Variants in MEIS2 observed in about 807,000 individuals in gnomAD.
The protein encoded by MEIS2 is Meis homeobox 2, also known as homeobox protein Meis2.
A neutral mutation model predicts 58.6 loss-of-function variants in MEIS2; 9 were observed. The observed-to-expected ratio is 0.15, with a 90% CI of 0.09 to 0.27. MEIS2 has a LOEUF of 0.27. Ranked by LOEUF, MEIS2 falls within the 10% of genes least tolerant of loss-of-function variation. MEIS2 has a pLI of 1.00. For missense variants in MEIS2, 427 were observed against 635.0 expected (o/e 0.67, Z 3.52); for synonymous variants, 221 against 228.4 (o/e 0.97, Z 0.29).
chr15:36,938,178 C>T (rs1288555291), intron 9 of MEIS2, among the ~76,000 whole-genome samples: 2 of 152,102 alleles, frequency 1.3e-5, no homozygotes, highest in Non-Finnish European at 2.9e-5. Flanking sequence ...CTCCAAGCAC[C>T]CGCTGTCACC....
At chr15:36,905,415 C>A (rs1227810219) in intron 9 of MEIS2, among the ~76,000 whole-genome samples, 1 of 152,098 alleles carries the variant, frequency 6.6e-6, no homozygotes, top group African/African-American at 2.4e-5. Flanking sequence ...ACCCTCATTT[C>A]TTGCTTTAAC....
At chr15:37,079,079 T>C (rs1891846428) in intron 7 of MEIS2, among the ~76,000 whole-genome samples, 1 of 152,138 alleles carries the variant, frequency 6.6e-6, no homozygotes, top group African/African-American at 2.4e-5. Flanking sequence ...AGAAAATCTT[T>C]GGATGTTTGC....
intron 7 of MEIS2, among the ~76,000 whole-genome samples, chr15:37,071,275 A>T (rs1159164933): frequency 1.3e-5 from 2 of 152,168 alleles, no homozygotes; most frequent in African/African-American, 2.4e-5. Flanking sequence ...TAAGTAAGTC[A>T]TGTAACCAAT....
Position 37,007,541 on chromosome 15 carries a change from A to G in MEIS2, c.900+29273T>C, listed in dbSNP as rs543814722. The stretch of plus-strand genomic sequence containing the variant: ...AGAGACACCCTGGGTCTCTGGGGAC[A>G]TGACTGAACCACTGACTCTTGGAGT... On this transcript the variant is annotated intron_variant, in intron 8 of 11. Transcript: ENST00000561208. Among the ~76,000 whole-genome samples, 4 of 152,318 alleles carry G rather than the reference A, an allele frequency of 2.6e-5. No homozygotes were observed. The East Asian group carries it at 7.7e-4, about 29-fold the overall frequency.
In MEIS2 at chr15:37,099,638, C is replaced by A. The variant is rs992642762; in HGVS notation, c.-172G>T. 1.2e-4 allele frequency: 105 copies of A among 855,818 alleles called. No individual in the cohort carries two copies. Among genetic ancestry groups the A allele is most frequent in the Non-Finnish European group, 1.7e-4 (102 of 593,152 alleles). The allele number at this position is 855,818 out of a possible 1,614,324, so 53.0% of individuals were successfully genotyped here. A position where few individuals can be genotyped will look rare whatever the true frequency, so the allele number is the denominator to read the frequency against. On this transcript the variant is annotated 5_prime_UTR_variant, in exon 1 of 12. Coordinates refer to ENST00000561208, the MANE Select transcript of MEIS2 (RefSeq NM_170675.5). ...GGGAAAAAAAGCCCAGTCTAGACAA[C>A]GAAGAATTTTTTTTTCTGTGATATT...
At chr15:36,895,616 T>A (rs978538248) in intron 10 of MEIS2, among the ~76,000 whole-genome samples, 4 of 152,240 alleles carry the variant, frequency 2.6e-5, no homozygotes, top group Non-Finnish European at 4.4e-5. Flanking sequence ...GGCTGCCATC[T>A]CTGGTGGCTT....
chr15:37,044,824 T>C (rs2062593444), intron 7 of MEIS2, among the ~76,000 whole-genome samples: 1 of 152,208 alleles, frequency 6.6e-6, no homozygotes, highest in Non-Finnish European at 1.5e-5. Context: ...TGCTAGTTTG[T>C]CTGTCTGTGA....
chr15:37,100,706 TGA>T (rs1257792235), upstream of MEIS2, among the ~76,000 whole-genome samples: 6 of 149,492 alleles, frequency 4.0e-5, no homozygotes, highest in African/African-American at 1.5e-4. Flanking sequence ...TCTGTGTGTG[TGA>T]GTGTGTGTGT....
At chr15:36,919,235 A>C (rs921927647) in intron 9 of MEIS2, among the ~76,000 whole-genome samples, 14 of 152,198 alleles carry the variant, frequency 9.2e-5, no homozygotes, top group Non-Finnish European at 1.9e-4. Context: ...ATTTGGATAA[A>C]TTTTTGGACA....
chr15:37,040,689 T>C (rs890175733), intron 7 of MEIS2, among the ~76,000 whole-genome samples: 1 of 152,200 alleles, frequency 6.6e-6, no homozygotes, highest in Non-Finnish European at 1.5e-5. Context: ...AAGTTTTGGG[T>C]AAACATACTC....
intron 7 of MEIS2, among the ~76,000 whole-genome samples, chr15:37,083,483 T>A (rs1323667505): frequency 6.6e-6 from 1 of 152,210 alleles, no homozygotes; most frequent in Admixed American, 6.5e-5. Context: ...GTGATTCCAC[T>A]TATACACACA....
intron 8 of MEIS2, among the ~76,000 whole-genome samples, chr15:37,027,048 T>G (rs983084822): frequency 1.3e-5 from 2 of 152,234 alleles, no homozygotes; most frequent in African/African-American, 4.8e-5. Flanking sequence ...TTCTGCATAC[T>G]GTAAACAACT....
intron 8 of MEIS2, chr15:36,972,979 G>C (rs1433094518): frequency 2.0e-5 from 3 of 152,122 alleles, no homozygotes; most frequent in Non-Finnish European, 4.4e-5. Context: ...GTATGTACTA[G>C]AATTAGTCTG....
chr15:36,898,909 C>T (rs2056325521), intron 9 of MEIS2: 2 of 152,384 alleles, frequency 1.3e-5, no homozygotes, highest in South Asian at 4.1e-4. Flanking sequence ...GGAAATGCCA[C>T]TCCAGTATAA....
intron 11 of MEIS2, chr15:36,894,571 TG>T: frequency 1.7e-6 from 1 of 580,456 alleles, no homozygotes. Context: ...ACTTCAGAGA[TG>T]GGTGATATAT....
intron 8 of MEIS2, among the ~76,000 whole-genome samples, chr15:37,006,316 T>A (rs369009301): frequency 1.9e-3 from 282 of 152,306 alleles, no homozygotes; most frequent in African/African-American, 6.4e-3. Context: ...CCTGGCAGTA[T>A]CTCTTTCCCT....
chr15:36,985,438 T>G (rs2060063888), intron 8 of MEIS2, among the ~76,000 whole-genome samples: 1 of 152,230 alleles, frequency 6.6e-6, no homozygotes, highest in African/African-American at 2.4e-5. Flanking sequence ...ATTTCATATT[T>G]TTGCCTTCTG....
At chr15:36,895,561 C>T (rs1014588737) in intron 10 of MEIS2, among the ~76,000 whole-genome samples, 6 of 152,104 alleles carry the variant, frequency 3.9e-5, no homozygotes, top group Admixed American at 3.3e-4. Context: ...TAGGGGTACC[C>T]CATATACAAA....
intron 7 of MEIS2, among the ~76,000 whole-genome samples, chr15:37,038,128 A>G (rs2062240747): frequency 6.6e-6 from 1 of 152,248 alleles, no homozygotes; most frequent in South Asian, 2.1e-4. Flanking sequence ...TAATTTAAGA[A>G]TAGACATTCA....
Sources: allele counts gnomAD v4.1 joint callset (sites outside exome capture counted in the v4.1 genomes callset), GRCh38; gene constraint gnomAD v4.1.1; transcripts MANE v1.5; gene names NCBI Gene and HGNC (gene_info 2026-07-23, HGNC 2026-07-21).